ANO3: variants seen among roughly 807,000 people sequenced by gnomAD.
ANO3 encodes the protein anoctamin 3.
ANO3 carries 99 observed loss-of-function variants against 144.8 expected under a neutral mutation model. The observed-to-expected ratio is 0.68, with a 90% CI of 0.58 to 0.81. The LOEUF (loss-of-function observed/expected upper bound fraction) is 0.81. ANO3 is among the 30% of genes least tolerant of loss of function. ANO3 has a pLI of 0.00. For synonymous variants in ANO3, 414 were observed against 392.6 expected (o/e 1.05, Z -0.64); for missense variants, 905 against 1,202.2 (o/e 0.75, Z 3.66).
chr11:26,597,740 G>C (rs1444155159), intron 14 of ANO3, among the ~76,000 whole-genome samples: 3 of 152,092 alleles, frequency 2.0e-5, no homozygotes, highest in Non-Finnish European at 2.9e-5. Context: ...GTCTTGAATG[G>C]TGTAAGATAG....
intron 1 of ANO3, among the ~76,000 whole-genome samples, chr11:26,223,498 C>G (rs955359941): frequency 6.6e-6 from 1 of 151,654 alleles, no homozygotes; most frequent in Non-Finnish European, 1.5e-5. Flanking sequence ...CAAATTCTAC[C>G]TGTTACTCAG....
chr11:26,576,479 T>G (rs1224616501), intron 14 of ANO3, among the ~76,000 whole-genome samples: 3 of 152,208 alleles, frequency 2.0e-5, no homozygotes, highest in African/African-American at 7.2e-5. Context: ...TAGATTATTT[T>G]GAATTTGCAT....
At chr11:26,315,671 A>G (rs571798098) in intron 1 of ANO3, among the ~76,000 whole-genome samples, 1 of 143,696 alleles carries the variant, frequency 7.0e-6, no homozygotes, top group East Asian at 2.6e-4. Context: ...CTATCTATCT[A>G]TCTATCTATC....
intron 1 of ANO3, among the ~76,000 whole-genome samples, chr11:26,319,363 C>T (rs1304182770): frequency 1.3e-5 from 2 of 152,026 alleles, no homozygotes; most frequent in African/African-American, 4.8e-5. Context: ...ACCTGCCCAC[C>T]CAAGTTAATA....
chr11:26,650,586 G>A (rs12807548), intron 24 of ANO3, among the ~76,000 whole-genome samples: 9 of 152,060 alleles, frequency 5.9e-5, no homozygotes. Flanking sequence ...GCACCAAACA[G>A]TATTGCTAGT....
In ANO3 at chr11:26,580,119, C is replaced by A. The variant is rs575660718; in HGVS notation, c.1448-18246C>A. 1.5e-4 allele frequency among the ~76,000 whole-genome samples: 18 copies of A among 120,726 alleles called. 2 individuals are homozygous for A. The South Asian group carries it at 4.3e-3, about 29-fold the overall frequency. The allele number at this position is 120,726 out of a possible 152,430, so 79.2% of individuals were successfully genotyped here. ...TTTTTTAAAACTCCAAAATAACATA[C>A]ACAAAAAGCAAAATCCAGTAGGTTA... On this transcript the variant is annotated intron_variant, in intron 14 of 26. Coordinates refer to ENST00000256737, the MANE Select transcript of ANO3 (RefSeq NM_031418.4).
intron 1 of ANO3, among the ~76,000 whole-genome samples, chr11:26,217,331 C>CG (rs890729159): frequency 3.8e-4 from 58 of 152,170 alleles, no homozygotes; most frequent in African/African-American, 1.4e-3. Context: ...ATCATCCCCC[C>CG]CATCTATCAA....
chr11:26,220,429 C>A (rs762875972), intron 1 of ANO3, among the ~76,000 whole-genome samples: 2 of 152,164 alleles, frequency 1.3e-5, no homozygotes, highest in Non-Finnish European at 2.9e-5. Context: ...AGCCTGTGGG[C>A]CTGCTTCTAG....
chr11:26,639,546 A>G (rs903091653), intron 21 of ANO3, among the ~76,000 whole-genome samples: 1 of 152,208 alleles, frequency 6.6e-6, no homozygotes, highest in Non-Finnish European at 1.5e-5. Flanking sequence ...CATGATTGAC[A>G]TTACGGATTG....
chr11:26,413,384 AAG>A (rs1857484636), intron 1 of ANO3, among the ~76,000 whole-genome samples: 1 of 152,024 alleles, frequency 6.6e-6, no homozygotes, highest in African/African-American at 2.4e-5. Context: ...ATTTGAAGGT[AAG>A]GATGCCATGC....
Position 26,575,741 on chromosome 11 carries a change from T to G in ANO3, c.1447+15962T>G, listed in dbSNP as rs567773492. Among the ~76,000 whole-genome samples the G allele has an allele frequency of 7.9e-5, 12 of 152,316 alleles. No homozygotes were observed. In the South Asian group the frequency reaches 2.5e-3, roughly 32 times the overall value. On this transcript the variant is annotated intron_variant, in intron 14 of 26. Transcript: ENST00000256737. ...TGTGCAGCTATTAAATTCAGAGTAG[T>G]AAATCAGACATTTTCAATAATTTCT...
At chr11:26,496,680 C>G (rs1230584809) in intron 4 of ANO3, among the ~76,000 whole-genome samples, 1 of 151,958 alleles carries the variant, frequency 6.6e-6, no homozygotes, top group African/African-American at 2.4e-5. Flanking sequence ...TCCCTCACTC[C>G]CCTCACTCTC....
At chr11:26,204,370 G>T (rs1290071511) in intron 1 of ANO3, among the ~76,000 whole-genome samples, 2 of 152,064 alleles carry the variant, frequency 1.3e-5, no homozygotes, top group Non-Finnish European at 2.9e-5. Context: ...GAAGGGCAAG[G>T]AGCTAAGTAG....
chr11:26,196,109 A>G (rs1378124833), intron 1 of ANO3, among the ~76,000 whole-genome samples: 1 of 152,172 alleles, frequency 6.6e-6, no homozygotes, highest in Non-Finnish European at 1.5e-5. Context: ...AAAAAAGTCT[A>G]ACAAATACTC....
intron 1 of ANO3, among the ~76,000 whole-genome samples, chr11:26,200,616 T>C (rs954097025): frequency 1.3e-5 from 2 of 152,144 alleles, no homozygotes; most frequent in African/African-American, 2.4e-5. Flanking sequence ...ATTAGAGATA[T>C]GATGTGTTTC....
chr11:26,476,907 G>A (rs1256365866), intron 4 of ANO3, among the ~76,000 whole-genome samples: 1 of 131,846 alleles, frequency 7.6e-6, no homozygotes, highest in Non-Finnish European at 1.6e-5. Context: ...GTGTGTATGT[G>A]TGTGTGTGTG....
chr11:26,417,307 G>C (rs1299898132), intron 1 of ANO3, among the ~76,000 whole-genome samples: 1 of 152,074 alleles, frequency 6.6e-6, no homozygotes, highest in Non-Finnish European at 1.5e-5. Flanking sequence ...GGAGGTGAAT[G>C]GATAAACTGC....
chr11:26,541,232 G>T (rs183771061), intron 10 of ANO3, among the ~76,000 whole-genome samples: 6 of 152,250 alleles, frequency 3.9e-5, no homozygotes, highest in African/African-American at 1.4e-4. Context: ...ACTCATAACT[G>T]GGAGTTGAAC....
At chr11:26,223,415 A>T (rs998967923) in intron 1 of ANO3, among the ~76,000 whole-genome samples, 5 of 151,964 alleles carry the variant, frequency 3.3e-5, no homozygotes, top group African/African-American at 1.2e-4. Flanking sequence ...GGTCACAACC[A>T]CTTAACAAGT....
Sources: gnomAD v4.1 joint callset for allele counts (sites outside exome capture counted in the v4.1 genomes callset) on GRCh38, gnomAD v4.1.1 for gene constraint, MANE v1.5 for transcripts, NCBI Gene and HGNC (gene_info 2026-07-23, HGNC 2026-07-21) for gene names.